The following RUNX1 variants were observed in gnomAD, a reference collection of about 807,000 sequenced individuals.
The protein encoded by RUNX1 is runt-related transcription factor 1.
RUNX1 carries 19 observed loss-of-function variants against 42.8 expected under a neutral mutation model. The ratio of observed to expected loss-of-function variants is 0.44; its 90% confidence interval spans 0.31 to 0.65. The LOEUF is 0.65. RUNX1 is among the 30% of genes least tolerant of loss of function. The pLI is 0.07. For missense variants in RUNX1, 528 were observed against 672.0 expected (o/e 0.79, Z 2.37); for synonymous variants, 271 against 289.4 (o/e 0.94, Z 0.64).
chr21:34,871,586 C>G (rs192027780), intron 5 of RUNX1, among the ~76,000 whole-genome samples: 2 of 152,086 alleles, frequency 1.3e-5, no homozygotes, highest in Non-Finnish European at 2.9e-5. Context: ...AATCATCGTG[C>G]CCTGAATCTC....
intron 2 of RUNX1, among the ~76,000 whole-genome samples, chr21:34,980,872 A>G (rs1299252556): frequency 1.3e-5 from 2 of 152,250 alleles, no homozygotes; most frequent in African/African-American, 2.4e-5. Flanking sequence ...TCATCAGCTT[A>G]AAAAGCAATT....
intron 2 of RUNX1, among the ~76,000 whole-genome samples, chr21:34,922,179 G>A (rs957057163): frequency 2.0e-5 from 3 of 152,104 alleles, no homozygotes; most frequent in Non-Finnish European, 4.4e-5. Flanking sequence ...TGGGGGGCTC[G>A]AGGCTGGTGC....
chr21:34,807,757 G>T (rs925526324), intron 7 of RUNX1, among the ~76,000 whole-genome samples: 1 of 152,178 alleles, frequency 6.6e-6, no homozygotes, highest in Non-Finnish European at 1.5e-5. Flanking sequence ...GTGGTGGTTT[G>T]CATCTCACTG....
intron 6 of RUNX1, among the ~76,000 whole-genome samples, chr21:34,846,192 G>GTTTTTTTTT (rs2057312571): frequency 3.8e-5 from 4 of 105,758 alleles, no homozygotes; most frequent in Admixed American, 9.3e-5. Context: ...GTTTAAGGAT[G>GTTTTTTTTT]TCTTTTTTTT....
At chr21:35,041,730 TAGAC>T (rs1271205815) in intron 2 of RUNX1, among the ~76,000 whole-genome samples, 1 of 149,492 alleles carries the variant, frequency 6.7e-6, no homozygotes, top group Non-Finnish European at 1.5e-5. Flanking sequence ...GCTGAGGAAA[TAGAC>T]AGGGCCAGTA....
chr21:34,948,105 G>GT (rs2058578943), intron 2 of RUNX1, among the ~76,000 whole-genome samples: 1 of 151,228 alleles, frequency 6.6e-6, no homozygotes, highest in African/African-American at 2.4e-5. Context: ...TTTTTTGGGG[G>GT]GGGGTTTCAC....
At chr21:34,819,337 C>A (rs1256313770) in intron 7 of RUNX1, among the ~76,000 whole-genome samples, 4 of 152,194 alleles carry the variant, frequency 2.6e-5, no homozygotes, top group Non-Finnish European at 5.9e-5. Context: ...AAGAGCCACA[C>A]GCTATGGGAG....
At chr21:34,897,213 G>A (rs768184283) in intron 2 of RUNX1, among the ~76,000 whole-genome samples, 3 of 152,150 alleles carry the variant, frequency 2.0e-5, no homozygotes, top group Admixed American at 6.5e-5. Flanking sequence ...TTCTTTGGTT[G>A]ATAACAATTC....
chr21:34,987,684 A>T (rs1357626317), intron 2 of RUNX1, among the ~76,000 whole-genome samples: 1 of 152,212 alleles, frequency 6.6e-6, no homozygotes, highest in Non-Finnish European at 1.5e-5. Flanking sequence ...GGGGGAAAAA[A>T]AGAGCATTTT....
chr21:34,997,614 T>C (rs1401165998), intron 2 of RUNX1, among the ~76,000 whole-genome samples: 1 of 152,226 alleles, frequency 6.6e-6, no homozygotes, highest in African/African-American at 2.4e-5. Context: ...CTGTTGCTTA[T>C]TTGGAGACTT....
At chr21:34,803,915 C>A (rs1362786613) in intron 7 of RUNX1, among the ~76,000 whole-genome samples, 4 of 152,264 alleles carry the variant, frequency 2.6e-5, no homozygotes, top group Admixed American at 2.6e-4. Flanking sequence ...TAATTCATGT[C>A]AGAATGTCCT....
chr21:34,918,097 C>A, intron 2 of RUNX1, among the ~76,000 whole-genome samples: 1 of 136,066 alleles, frequency 7.3e-6, no homozygotes, highest in East Asian at 2.1e-4. Flanking sequence ...CACTGCACTC[C>A]AGCCTGGGTG....
At chr21:34,989,801 C>T (rs1400732782) in intron 2 of RUNX1, among the ~76,000 whole-genome samples, 9 of 152,212 alleles carry the variant, frequency 5.9e-5, no homozygotes, top group Admixed American at 5.9e-4. Context: ...GGGTAAACCA[C>T]AGGGATCCAG....
At chr21:34,965,867 C>G (rs1253471256) in intron 2 of RUNX1, among the ~76,000 whole-genome samples, 1 of 152,210 alleles carries the variant, frequency 6.6e-6, no homozygotes, top group Non-Finnish European at 1.5e-5. Flanking sequence ...CTGAGGAGGA[C>G]ATTGCTAAGG....
chr21:34,843,492 T>C lies in RUNX1; in HGVS notation c.614-8891A>G, dbSNP rs1349795620. Among the ~76,000 whole-genome samples, 4 of 152,022 alleles carry C rather than the reference T, an allele frequency of 2.6e-5. No homozygotes were observed. The highest frequency in any genetic ancestry group is 9.7e-5 in the African/African-American group (4 of 41,386). On this transcript the variant is annotated intron_variant, in intron 6 of 8. Transcript: ENST00000675419. The surrounding 1 kb of genome is among the most constrained non-coding windows in gnomAD (Gnocchi z 4.8). ...ACACACATATACACATACATACATA[T>C]ACATCCATCACACATCCATACATCC...
At chr21:34,821,985 A>G (rs1351688556) in intron 7 of RUNX1, among the ~76,000 whole-genome samples, 1 of 152,212 alleles carries the variant, frequency 6.6e-6, no homozygotes, top group Non-Finnish European at 1.5e-5. Flanking sequence ...TTAGGAACAT[A>G]TGGTGGCTCA....
chr21:34,895,139 A>G (rs1348729177), intron 2 of RUNX1, among the ~76,000 whole-genome samples: 1 of 152,156 alleles, frequency 6.6e-6, no homozygotes, highest in African/African-American at 2.4e-5. Context: ...TCAGATTTTA[A>G]TGTCATTTCT....
intron 2 of RUNX1, among the ~76,000 whole-genome samples, chr21:34,978,937 T>TATACACACACACACACAC (rs71319521): frequency 1.5e-5 from 2 of 134,054 alleles, no homozygotes; most frequent in African/African-American, 5.7e-5. Flanking sequence ...CACACACAGA[T>TATACACACACACACACAC]ACACACACAC....
At chr21:34,899,509 T>C (rs929598635) in intron 2 of RUNX1, among the ~76,000 whole-genome samples, 1 of 152,128 alleles carries the variant, frequency 6.6e-6, no homozygotes, top group African/African-American at 2.4e-5. Context: ...AGGAAATACA[T>C]GTCTGCTGTT....
Sources: allele counts gnomAD v4.1 joint callset (sites outside exome capture counted in the v4.1 genomes callset), GRCh38; gene constraint gnomAD v4.1.1; non-coding constraint Gnocchi (gnomAD v3.1); transcripts MANE v1.5; gene names NCBI Gene and HGNC (gene_info 2026-07-23, HGNC 2026-07-21).